ADGB: variants seen among roughly 807,000 people sequenced by gnomAD.
The protein encoded by ADGB is calpain-7-like protein.
Under a neutral mutation model 210.5 loss-of-function variants are expected in ADGB, and 172 were observed. The ratio of observed to expected loss-of-function variants is 0.82; its 90% CI spans 0.72 to 0.93. The LOEUF is 0.93. ADGB is among the 40% of genes least tolerant of loss of function. ADGB has a pLI of 0.00. For missense variants in ADGB, 2,025 were observed against 1,964.8 expected (o/e 1.03, Z -0.58); for synonymous variants, 658 against 662.7 (o/e 0.99, Z 0.11).
At chr6:146,672,545 C>A (rs1389936812) in intron 8 of ADGB, 78 bp downstream of exon 8, 3 of 1,438,028 alleles carry the variant, frequency 2.1e-6, no homozygotes, top group Non-Finnish European at 2.8e-6. Context: ...TGATGTGTTG[C>A]TGGAAAGAGT....
intron 7 of ADGB, among the ~76,000 whole-genome samples, chr6:146,670,105 C>A (rs1187237020): frequency 3.9e-5 from 6 of 152,140 alleles, no homozygotes; most frequent in Non-Finnish European, 8.8e-5. Flanking sequence ...TTATTACCAT[C>A]CTAGTTCAAC....
chr6:146,602,753 C>A (rs1780578455), intron 1 of ADGB, among the ~76,000 whole-genome samples: 1 of 152,158 alleles, frequency 6.6e-6, no homozygotes, highest in African/African-American at 2.4e-5. Flanking sequence ...GGGGAGTCAA[C>A]ATTTCCCCCT....
At chr6:146,736,670 T>C (rs1186964751) in intron 23 of ADGB, 79 bp downstream of exon 23, 5 of 892,384 alleles carry the variant, frequency 5.6e-6, no homozygotes, top group African/African-American at 1.7e-5. Flanking sequence ...CCATATTTGT[T>C]GAGAGCGCCC....
At chr6:146,678,320 A>G (rs1446451068) in intron 9 of ADGB, among the ~76,000 whole-genome samples, 1 of 152,154 alleles carries the variant, frequency 6.6e-6, no homozygotes, top group African/African-American at 2.4e-5. Flanking sequence ...TCCACCTCCC[A>G]GGTTCAAGCG....
chr6:146,736,498 A>T lies in ADGB; in HGVS notation c.2795A>T (p.Asp932Val). ...VRLLMKARIPDTKENISVADT... is the reference protein window; with the variant it reads ...VRLLMKARIPVTKENISVADT... Reference sequence around the variant, plus strand: ...TTTTATTATTTATTATTATTTTTAGACACAAAAGAAAATATCAGTGTTGCA... The same window carrying T: ...TTTTATTATTTATTATTATTTTTAGTCACAAAAGAAAATATCAGTGTTGCA... Residue 932 changes from aspartate to valine, a missense_variant and splice_region_variant, in exon 23 of 36, where the codon GAC becomes GTC. By Grantham distance (152) the Asp-to-Val change is radical (BLOSUM62 -3). Coordinates refer to ENST00000397944, the MANE Select transcript of ADGB (RefSeq NM_024694.4). 6.6e-7 allele frequency: 1 copy of T among 1,514,054 alleles called. No individual in the cohort carries two copies. The highest frequency in any genetic ancestry group is 8.9e-7 in the Non-Finnish European group (1 of 1,125,886). The allele number at this position is 1,514,054 out of a possible 1,614,324, so 93.8% of individuals were successfully genotyped here.
At chr6:146,637,929 C>T (rs953564362) in intron 2 of ADGB, among the ~76,000 whole-genome samples, 1 of 151,896 alleles carries the variant, frequency 6.6e-6, no homozygotes, top group Non-Finnish European at 1.5e-5. Flanking sequence ...GACAGAGTCA[C>T]AACAACAAAA....
intron 29 of ADGB, among the ~76,000 whole-genome samples, chr6:146,772,612 T>A (rs1020786720): frequency 1.4e-5 from 2 of 147,306 alleles, no homozygotes; most frequent in Non-Finnish European, 1.5e-5. Context: ...TTATATAATA[T>A]ATATTATATA....
intron 33 of ADGB, 27 bp from the exon 34 acceptor site, chr6:146,801,156 T>C: frequency 7.5e-7 from 1 of 1,332,760 alleles, no homozygotes; most frequent in Middle Eastern, 1.9e-4. Flanking sequence ...GCCTAGGTTT[T>C]TTGTTGTGTG....
intron 33 of ADGB, among the ~76,000 whole-genome samples, chr6:146,798,282 T>C (rs1397605196): frequency 1.3e-5 from 2 of 152,200 alleles, no homozygotes; most frequent in African/African-American, 2.4e-5. Flanking sequence ...GATTTTTCCA[T>C]TTGTTTACTT....
rs1369459830 is a variant in ADGB at position 146,676,418 on chromosome 6, A to G, written c.1193A>G (p.Tyr398Cys). 1 of 1,534,280 alleles carries G rather than the reference A, an allele frequency of 6.5e-7. No homozygotes were observed. Among genetic ancestry groups the G allele is most frequent in the Admixed American group, 2.0e-5 (1 of 48,984 alleles). ...HGSRPSSEVQYSVQSLSDCSS... is the reference protein window; with the variant it reads ...HGSRPSSEVQCSVQSLSDCSS... ...TCAAGACCCTCATCAGAAGTGCAGTACTCTGTGCAGTCCCTATCAGATTGT... is the reference window on the plus strand; with the variant it reads ...TCAAGACCCTCATCAGAAGTGCAGTGCTCTGTGCAGTCCCTATCAGATTGT... The change falls in exon 9 of 36, where the codon TAC (tyrosine) becomes TGC (cysteine). Residue 398 changes from tyrosine to cysteine, a missense_variant. By Grantham distance (194) the Tyr-to-Cys change is radical (BLOSUM62 -2). Coordinates refer to ENST00000397944, the MANE Select transcript of ADGB (RefSeq NM_024694.4).
At chr6:146,785,402 A>G (rs139381352) in intron 31 of ADGB, among the ~76,000 whole-genome samples, 183 of 152,288 alleles carry the variant, frequency 1.2e-3, no homozygotes, top group African/African-American at 4.2e-3. Flanking sequence ...TTCTTCATCT[A>G]TTCTCAAAAA....
chr6:146,779,075 A>C (rs940372596), intron 29 of ADGB, among the ~76,000 whole-genome samples: 3 of 152,032 alleles, frequency 2.0e-5, no homozygotes, highest in Non-Finnish European at 4.4e-5. Context: ...AAAAAAAAAA[A>C]AAACAGCCAA....
intron 26 of ADGB, among the ~76,000 whole-genome samples, chr6:146,750,556 A>G (rs1339855903): frequency 6.6e-6 from 1 of 152,106 alleles, no homozygotes; most frequent in Non-Finnish European, 1.5e-5. Context: ...ATATATATAG[A>G]GAGAAAAAAG....
At chr6:146,787,028 T>G (rs537462101) in intron 32 of ADGB, among the ~76,000 whole-genome samples, 77 of 152,188 alleles carry the variant, frequency 5.1e-4, no homozygotes, top group African/African-American at 1.8e-3. Context: ...TGGTTAGGTG[T>G]CAAGGGTCAG....
intron 29 of ADGB, among the ~76,000 whole-genome samples, chr6:146,781,171 CAAA>C (rs71031009): frequency 3.3e-5 from 3 of 90,980 alleles, no homozygotes; most frequent in African/African-American, 1.2e-4. Flanking sequence ...ACTAAAAATA[CAAA>C]AAAAAAAAAA....
chr6:146,728,323 G>A (rs1418507327), intron 19 of ADGB, among the ~76,000 whole-genome samples: 1 of 152,094 alleles, frequency 6.6e-6, no homozygotes, highest in African/African-American at 2.4e-5. Context: ...TATTAATACG[G>A]TGGGGGAAAT....
intron 33 of ADGB, among the ~76,000 whole-genome samples, chr6:146,791,610 T>A (rs1777957521): frequency 6.6e-6 from 1 of 152,214 alleles, no homozygotes. Context: ...CCTAAAGTTC[T>A]GGGTTTACAG....
At chr6:146,740,388 C>A (rs1777147606) in intron 23 of ADGB, 71 bp from the exon 24 acceptor site, 1 of 1,311,910 alleles carries the variant, frequency 7.6e-7, no homozygotes, top group Non-Finnish European at 1.0e-6. Context: ...TTTGTCATTT[C>A]TTTTTGTAAA....
intron 35 of ADGB, among the ~76,000 whole-genome samples, chr6:146,813,493 T>C (rs1239764445): frequency 1.3e-5 from 2 of 152,172 alleles, no homozygotes; most frequent in Non-Finnish European, 2.9e-5. Context: ...TTTATTGGTG[T>C]ATGAAAATGT....
Sources: gnomAD v4.1 joint callset for allele counts (sites outside exome capture counted in the v4.1 genomes callset) on GRCh38, gnomAD v4.1.1 for gene constraint, MANE v1.5 for transcripts, NCBI Gene and HGNC (gene_info 2026-07-23, HGNC 2026-07-21) for gene names.